Variants in ROBO2 observed in about 807,000 individuals in gnomAD.
ROBO2 encodes roundabout guidance receptor 2, also known as roundabout homolog 2.
A neutral mutation model predicts 160.8 loss-of-function variants in ROBO2; 53 were observed. The ratio of observed to expected loss-of-function variants is 0.33; its 90% CI spans 0.26 to 0.41. The LOEUF is 0.41. ROBO2 is among the 10% of genes least tolerant of loss of function. ROBO2 has a pLI of 1.00. For synonymous variants in ROBO2, 664 were observed against 611.7 expected (o/e 1.09, Z -1.26); for missense variants, 1,577 against 1,722.4 (o/e 0.92, Z 1.49).
rs180840258 is a variant in ROBO2 at position 76,329,474 on chromosome 3, T to C, written c.109+391872T>C. On this transcript the variant is annotated intron_variant, in intron 2 of 26. Coordinates refer to the ROBO2 transcript ENST00000487694. ...CTCAAGTGATCCGCCCGCCTGGGCCTCTCAAAGTGCTGGGATAACAGGCCT... is the reference window on the plus strand; with the variant it reads ...CTCAAGTGATCCGCCCGCCTGGGCCCCTCAAAGTGCTGGGATAACAGGCCT... Among the ~76,000 whole-genome samples, 1,098 of 152,324 alleles carry C rather than the reference T, an allele frequency of 7.2e-3. 5 individuals carry two copies. Among genetic ancestry groups the C allele is most frequent in the Admixed American group, 0.014 (217 of 15,302 alleles).
At chr3:77,165,359 A>G (rs1003708079) in intron 2 of ROBO2, among the ~76,000 whole-genome samples, 38 of 149,098 alleles carry the variant, frequency 2.5e-4, no homozygotes, top group African/African-American at 5.0e-4. Context: ...GATGCTTGAA[A>G]GCAGCATGCT....
chr3:76,981,105 T>G (rs1291103948), intron 2 of ROBO2, among the ~76,000 whole-genome samples: 2 of 152,204 alleles, frequency 1.3e-5, no homozygotes, highest in African/African-American at 2.4e-5. Context: ...GACATGTAGG[T>G]TGTTTGCACA....
chr3:76,651,717 T>G (rs576658037), intron 2 of ROBO2, among the ~76,000 whole-genome samples: 1 of 152,254 alleles, frequency 6.6e-6, no homozygotes, highest in Admixed American at 6.5e-5. Context: ...CTTTAAAAAA[T>G]TATTTTATTC....
intron 2 of ROBO2, among the ~76,000 whole-genome samples, chr3:77,143,174 CTTTTT>C (rs10546673): frequency 2.2e-4 from 13 of 59,714 alleles, no homozygotes; most frequent in East Asian, 1.8e-3. Context: ...TAAACAGCAG[CTTTTT>C]TTTTTTTTTT....
intron 2 of ROBO2, among the ~76,000 whole-genome samples, chr3:76,953,362 T>C (rs1485108798): frequency 6.6e-6 from 1 of 152,352 alleles, no homozygotes; most frequent in East Asian, 1.9e-4. Context: ...AGGCTAAGTC[T>C]GTTTAGTGAT....
At chr3:76,840,615 A>G (rs1428504091) in intron 2 of ROBO2, among the ~76,000 whole-genome samples, 2 of 138,290 alleles carry the variant, frequency 1.4e-5, no homozygotes, top group African/African-American at 2.7e-5. Flanking sequence ...GTCTCAAAAA[A>G]AAAAATTATA....
chr3:77,354,424 G>A (rs901773893), intron 2 of ROBO2, among the ~76,000 whole-genome samples: 5 of 150,262 alleles, frequency 3.3e-5, no homozygotes, highest in African/African-American at 4.9e-5. Context: ...ATTTTATTTC[G>A]CGGCATGAAT....
At chr3:76,836,441 T>C (rs1214710968) in intron 2 of ROBO2, among the ~76,000 whole-genome samples, 1 of 151,522 alleles carries the variant, frequency 6.6e-6, no homozygotes, top group Non-Finnish European at 1.5e-5. Context: ...TTTTTGTTTT[T>C]TTTTTTTAGA....
chr3:76,986,805 C>T (rs762709244), intron 2 of ROBO2, among the ~76,000 whole-genome samples: 1 of 151,884 alleles, frequency 6.6e-6, no homozygotes, highest in Non-Finnish European at 1.5e-5. Context: ...ATATTACATG[C>T]GTATACATAA....
chr3:76,417,813 T>C (rs1384474176), intron 2 of ROBO2, among the ~76,000 whole-genome samples: 1 of 152,134 alleles, frequency 6.6e-6, no homozygotes, highest in Non-Finnish European at 1.5e-5. Flanking sequence ...TTGATTCTTG[T>C]CTAATCACTT....
chr3:77,461,109 C>G (rs1295148827), intron 2 of ROBO2, among the ~76,000 whole-genome samples: 1 of 151,912 alleles, frequency 6.6e-6, no homozygotes, highest in African/African-American at 2.4e-5. Context: ...ACAACTGGGA[C>G]TCTGTGGTAA....
At chr3:76,408,786 T>C (rs1184661324) in intron 2 of ROBO2, among the ~76,000 whole-genome samples, 5 of 152,062 alleles carry the variant, frequency 3.3e-5, no homozygotes, top group African/African-American at 1.2e-4. Context: ...AATTTGGTGG[T>C]TACAGAATAT....
At chr3:76,060,238 G>A (rs1408827708) in intron 2 of ROBO2, among the ~76,000 whole-genome samples, 1 of 151,918 alleles carries the variant, frequency 6.6e-6, no homozygotes, top group Non-Finnish European at 1.5e-5. Flanking sequence ...CATCTATGCT[G>A]AATGTTCATT....
intron 2 of ROBO2, among the ~76,000 whole-genome samples, chr3:76,143,891 C>T (rs915483052): frequency 1.3e-5 from 2 of 151,974 alleles, no homozygotes; most frequent in African/African-American, 2.4e-5. Flanking sequence ...GTTAGTTCCA[C>T]TGTAAGGTGG....
chr3:76,920,548 G>A (rs1038123077), intron 2 of ROBO2, among the ~76,000 whole-genome samples: 1 of 152,170 alleles, frequency 6.6e-6, no homozygotes, highest in Non-Finnish European at 1.5e-5. Context: ...CATACATACA[G>A]TAAACTACAA....
chr3:76,039,910 A>C (rs2067228717), intron 2 of ROBO2, among the ~76,000 whole-genome samples: 1 of 152,066 alleles, frequency 6.6e-6, no homozygotes. Context: ...AATAAATGAC[A>C]TGACATCCTG....
chr3:75,927,238 G>C (rs1390637488), intron 1 of ROBO2, among the ~76,000 whole-genome samples: 1 of 152,138 alleles, frequency 6.6e-6, no homozygotes, highest in Non-Finnish European at 1.5e-5. Context: ...ATTTAGTTCA[G>C]TTATATTCTG....
At chr3:76,894,733 T>C (rs1177498) in intron 2 of ROBO2, among the ~76,000 whole-genome samples, 40,298 of 151,998 alleles carry the variant, frequency 0.27, 5,462 homozygotes, top group Middle Eastern at 0.38. Context: ...AACATGAAAA[T>C]GTATTTCCTG....
chr3:77,229,705 G>A (rs1276861664), intron 2 of ROBO2, among the ~76,000 whole-genome samples: 1 of 151,504 alleles, frequency 6.6e-6, no homozygotes, highest in East Asian at 1.9e-4. Context: ...AATTGGACTA[G>A]CTCATCATGG....
Sources: allele counts gnomAD v4.1 joint callset (sites outside exome capture counted in the v4.1 genomes callset), GRCh38; gene constraint gnomAD v4.1.1; transcripts MANE v1.5; gene names NCBI Gene and HGNC (gene_info 2026-07-23, HGNC 2026-07-21).